The following CAMK1D variants were observed in gnomAD, a reference collection of about 807,000 sequenced individuals.
The protein encoded by CAMK1D is calcium/calmodulin-dependent protein kinase type 1D.
Under a neutral mutation model 47.7 loss-of-function variants are expected in CAMK1D, and 9 were observed. The observed-to-expected ratio is 0.19, with a 90% CI of 0.11 to 0.33. The LOEUF (loss-of-function observed/expected upper bound fraction) is 0.33. Ranked by LOEUF, CAMK1D falls within the 10% of genes least tolerant of loss-of-function variation. CAMK1D has a pLI of 1.00. For synonymous variants in CAMK1D, 184 were observed against 184.9 expected (o/e 0.99, Z 0.04); for missense variants, 291 against 488.7 (o/e 0.60, Z 3.81).
At chr10:12,744,104 C>G (rs1198859995) in intron 3 of CAMK1D, among the ~76,000 whole-genome samples, 1 of 151,702 alleles carries the variant, frequency 6.6e-6, no homozygotes, top group Admixed American at 6.6e-5. Flanking sequence ...GTGTCTGGTT[C>G]CTTCCCTTAG....
At chr10:12,673,905 G>A (rs1840709301) in intron 3 of CAMK1D, among the ~76,000 whole-genome samples, 1 of 152,106 alleles carries the variant, frequency 6.6e-6, no homozygotes, top group Admixed American at 6.6e-5. Context: ...GCAAGGCTCA[G>A]TGGTTTACGC....
chr10:12,686,784 C>T (rs1448234252), intron 3 of CAMK1D, among the ~76,000 whole-genome samples: 1 of 152,066 alleles, frequency 6.6e-6, no homozygotes, highest in Non-Finnish European at 1.5e-5. Context: ...TTACTGTATA[C>T]ACTTGTACTA....
chr10:12,656,289 A>C (rs1270529446), intron 2 of CAMK1D, among the ~76,000 whole-genome samples: 2 of 152,166 alleles, frequency 1.3e-5, no homozygotes, highest in African/African-American at 4.8e-5. Context: ...AAATACCTTC[A>C]GGACCAGCCT....
chr10:12,820,330 A>G (rs1163994983), intron 8 of CAMK1D, among the ~76,000 whole-genome samples: 1 of 152,208 alleles, frequency 6.6e-6, no homozygotes, highest in African/African-American at 2.4e-5. Flanking sequence ...CCTACAGTAC[A>G]TTTTAACCCT....
intron 3 of CAMK1D, among the ~76,000 whole-genome samples, chr10:12,674,384 ATGTT>A (rs1840727014): frequency 6.6e-6 from 1 of 152,168 alleles, no homozygotes; most frequent in African/African-American, 2.4e-5. Context: ...GTATTTTACA[ATGTT>A]TGTGCCTCGG....
intron 3 of CAMK1D, among the ~76,000 whole-genome samples, chr10:12,694,865 A>G (rs1241430953): frequency 6.6e-6 from 1 of 152,018 alleles, no homozygotes; most frequent in Non-Finnish European, 1.5e-5. Context: ...TCAAAGTATT[A>G]CAAAGAAACA....
At chr10:12,676,244 A>G (rs1015492971) in intron 3 of CAMK1D, among the ~76,000 whole-genome samples, 2 of 152,136 alleles carry the variant, frequency 1.3e-5, no homozygotes, top group Admixed American at 1.3e-4. Flanking sequence ...GTTAGCCACC[A>G]CGCCCAGCCA....
chr10:12,554,921 A>G (rs1340670896), intron 2 of CAMK1D, among the ~76,000 whole-genome samples: 3 of 152,118 alleles, frequency 2.0e-5, no homozygotes, highest in Admixed American at 1.3e-4. Flanking sequence ...CGTTCCCCAC[A>G]CTGTCATGAT....
intron 1 of CAMK1D, among the ~76,000 whole-genome samples, chr10:12,356,789 A>C (rs542600915): frequency 6.6e-6 from 1 of 152,158 alleles, no homozygotes; most frequent in African/African-American, 2.4e-5. Flanking sequence ...TGATTAGTAA[A>C]ATGAGATTTG....
intron 1 of CAMK1D, among the ~76,000 whole-genome samples, chr10:12,524,809 A>G (rs1043688025): frequency 6.6e-6 from 1 of 152,202 alleles, no homozygotes; most frequent in African/African-American, 2.4e-5. Flanking sequence ...GATATTTATC[A>G]TTTCTTTAGC....
chr10:12,365,821 G>T (rs1269591630), intron 1 of CAMK1D, among the ~76,000 whole-genome samples: 1 of 152,222 alleles, frequency 6.6e-6, no homozygotes, highest in Admixed American at 6.5e-5. Flanking sequence ...GGGAGGCTGA[G>T]GTGGACCAAT....
At chr10:12,635,543 C>T (rs1487982985) in intron 2 of CAMK1D, among the ~76,000 whole-genome samples, 1 of 152,056 alleles carries the variant, frequency 6.6e-6, no homozygotes, top group Non-Finnish European at 1.5e-5. Flanking sequence ...GTGAGGATTC[C>T]TTTAGAAGAG....
At chr10:12,603,399 C>A (rs1312881849) in intron 2 of CAMK1D, among the ~76,000 whole-genome samples, 4 of 152,212 alleles carry the variant, frequency 2.6e-5, no homozygotes, top group Non-Finnish European at 2.9e-5. Flanking sequence ...GACCCGTGCA[C>A]GCCTGTCCTT....
rs988589806 is a variant in CAMK1D at position 12,452,532 on chromosome 10, T to C, written c.93-100693T>C. 2.6e-5 allele frequency among the ~76,000 whole-genome samples: 4 copies of C among 152,012 alleles called. No individual in the cohort carries two copies. In the South Asian group the frequency reaches 8.3e-4, roughly 31 times the overall value. The stretch of plus-strand genomic sequence containing the variant: ...TATTTGTATGTATAAATATGCATTA[T>C]GGTCCATATATCAATACACATTATA... On this transcript the variant is annotated intron_variant, in intron 1 of 10. Transcript: ENST00000619168.
At chr10:12,760,172 GCC>G (rs1836433782) in intron 3 of CAMK1D, among the ~76,000 whole-genome samples, 2 of 152,276 alleles carry the variant, frequency 1.3e-5, no homozygotes, top group South Asian at 4.1e-4. Flanking sequence ...GCTGAAAGGT[GCC>G]AGAGAGGTTG....
intron 3 of CAMK1D, among the ~76,000 whole-genome samples, chr10:12,715,694 T>TC (rs1368121829): frequency 4.6e-5 from 7 of 150,994 alleles, no homozygotes; most frequent in Non-Finnish European, 1.0e-4. Context: ...TACTTGGATC[T>TC]CGGGGGGAGA....
At chr10:12,523,965 C>T (rs1835531671) in intron 1 of CAMK1D, among the ~76,000 whole-genome samples, 1 of 151,910 alleles carries the variant, frequency 6.6e-6, no homozygotes, top group Non-Finnish European at 1.5e-5. Flanking sequence ...GATCTCGGCT[C>T]ACTGCAAGCT....
intron 3 of CAMK1D, among the ~76,000 whole-genome samples, chr10:12,675,437 A>G (rs915608684): frequency 8.5e-5 from 13 of 152,164 alleles, no homozygotes; most frequent in Non-Finnish European, 1.2e-4. Flanking sequence ...CATCTTAGCA[A>G]ATGGCAACTC....
At chr10:12,789,388 G>A (rs542870240) in intron 5 of CAMK1D, among the ~76,000 whole-genome samples, 1 of 152,336 alleles carries the variant, frequency 6.6e-6, no homozygotes, top group South Asian at 2.1e-4. Flanking sequence ...TGAGTGAAAA[G>A]AGCTGCAACA....
Sources: allele counts gnomAD v4.1 joint callset (sites outside exome capture counted in the v4.1 genomes callset), GRCh38; gene constraint gnomAD v4.1.1; transcripts MANE v1.5; gene names NCBI Gene and HGNC (gene_info 2026-07-23, HGNC 2026-07-21).